TSGA10: variants seen among roughly 807,000 people sequenced by gnomAD.
The protein encoded by TSGA10 is testis-specific gene 10 protein.
A neutral mutation model predicts 96.6 loss-of-function variants in TSGA10; 43 were observed. That is an observed-to-expected ratio of 0.44 (90% CI 0.35 to 0.57). The LOEUF (loss-of-function observed/expected upper bound fraction) is 0.57. Among genes scored for constraint, TSGA10 ranks in the 20% least tolerant of loss-of-function variants. The pLI, the probability that TSGA10 is intolerant of heterozygous loss-of-function variation, is 0.01. For synonymous variants in TSGA10, 229 were observed against 269.9 expected (o/e 0.85, Z 1.48); for missense variants, 703 against 834.4 (o/e 0.84, Z 1.94).
At chr2:98,999,418 G>A (rs2077704172) in intron 20 of TSGA10, among the ~76,000 whole-genome samples, 1 of 152,180 alleles carries the variant, frequency 6.6e-6, no homozygotes. Flanking sequence ...AGGAAACAGA[G>A]CAGTGGTTAG....
intron 4 of TSGA10, among the ~76,000 whole-genome samples, chr2:99,116,421 G>A (rs1350212822): frequency 6.6e-6 from 1 of 152,084 alleles, no homozygotes; most frequent in Non-Finnish European, 1.5e-5. Context: ...TGTGATGGTG[G>A]CACAGAAAAA....
chr2:99,057,821 G>A (rs992340515), intron 16 of TSGA10, among the ~76,000 whole-genome samples: 3 of 152,068 alleles, frequency 2.0e-5, no homozygotes, highest in African/African-American at 7.2e-5. Context: ...AAAGCAGGAG[G>A]ACTTTCACTT....
chr2:99,102,695 T>C (rs540963601), intron 10 of TSGA10: 7 of 1,612,998 alleles, frequency 4.3e-6, no homozygotes, highest in African/African-American at 1.3e-5. Flanking sequence ...GTCATATTGA[T>C]GTGATCACAG....
intron 17 of TSGA10, among the ~76,000 whole-genome samples, chr2:99,032,095 T>A (rs566104510): frequency 6.6e-6 from 1 of 152,304 alleles, no homozygotes; most frequent in African/African-American, 2.4e-5. Context: ...GCTTCAATTG[T>A]ACAGTTGCAT....
At chr2:99,072,663 T>C (rs2086114889) in intron 13 of TSGA10, among the ~76,000 whole-genome samples, 1 of 152,184 alleles carries the variant, frequency 6.6e-6, no homozygotes, top group South Asian at 2.1e-4. Context: ...ATATAACCAA[T>C]ACTCATTTGT....
chr2:99,096,888 T>C (rs1289744570), intron 10 of TSGA10, among the ~76,000 whole-genome samples: 1 of 152,204 alleles, frequency 6.6e-6, no homozygotes, highest in Non-Finnish European at 1.5e-5. Flanking sequence ...CTTCATGCAA[T>C]TACTCACAGT....
chr2:99,080,339 T>C (rs1164813249), intron 11 of TSGA10, among the ~76,000 whole-genome samples: 1 of 152,186 alleles, frequency 6.6e-6, no homozygotes, highest in Non-Finnish European at 1.5e-5. Flanking sequence ...AACACTTCGC[T>C]TTCTGGTCTT....
At chr2:99,038,312 A>G (rs913178663) in intron 16 of TSGA10, among the ~76,000 whole-genome samples, 15 of 152,208 alleles carry the variant, frequency 9.9e-5, no homozygotes, top group Admixed American at 9.8e-4. Context: ...TCTCAATACT[A>G]ACATTGAATG....
chr2:99,007,198 G>A (rs925580019), intron 20 of TSGA10, among the ~76,000 whole-genome samples: 3 of 152,060 alleles, frequency 2.0e-5, no homozygotes, highest in African/African-American at 4.8e-5. Flanking sequence ...TGTAAATGAC[G>A]AGTTAATGGG....
chr2:99,026,670 G>C (rs1024688703), intron 17 of TSGA10, among the ~76,000 whole-genome samples: 1 of 151,890 alleles, frequency 6.6e-6, no homozygotes, highest in Non-Finnish European at 1.5e-5. Flanking sequence ...TGATCTGCCC[G>C]CCTCAGCCTC....
intron 12 of TSGA10, 89 bp from the exon 13 acceptor site, chr2:99,073,162 C>A: frequency 1.2e-6 from 1 of 853,514 alleles, no homozygotes; most frequent in Non-Finnish European, 1.8e-6. Flanking sequence ...TTTCCCTTTC[C>A]CTTTAGGTTT....
chr2:99,028,450 A>T (rs2080843016), intron 17 of TSGA10, among the ~76,000 whole-genome samples: 1 of 152,192 alleles, frequency 6.6e-6, no homozygotes, highest in Non-Finnish European at 1.5e-5. Context: ...CCTCTCAACT[A>T]GTTACTGTTG....
chr2:99,070,834 A>G (rs78532452), intron 14 of TSGA10, among the ~76,000 whole-genome samples: 1,659 of 152,228 alleles, frequency 0.011, 15 homozygotes, highest in Non-Finnish European at 0.017. Context: ...TATTGTTAAC[A>G]TTTTACATTA....
At chr2:99,023,320 A>ATCT (rs1465384033) in intron 17 of TSGA10, among the ~76,000 whole-genome samples, 2 of 152,192 alleles carry the variant, frequency 1.3e-5, no homozygotes, top group Non-Finnish European at 2.9e-5. Flanking sequence ...ATCTCTTATC[A>ATCT]GATATATGGT....
At chr2:99,047,498 G>C (rs2082916256) in intron 16 of TSGA10, among the ~76,000 whole-genome samples, 1 of 152,140 alleles carries the variant, frequency 6.6e-6, no homozygotes, top group Admixed American at 6.5e-5. Context: ...AATAGATGCA[G>C]AAAAGGCCTT....
At chr2:99,137,800 T>C (rs909061804) in intron 1 of TSGA10, among the ~76,000 whole-genome samples, 1 of 151,672 alleles carries the variant, frequency 6.6e-6, no homozygotes, top group Non-Finnish European at 1.5e-5. Context: ...CAACAACATT[T>C]GCTAATAAAT....
At position 99,150,332 on chromosome 2, in the gene TSGA10, C is replaced by G. The variant is rs943306238; in HGVS notation, c.-621+4361G>C. ...AATAAATCTTTAGAACCTGCAAACC[C>G]TCCCACAAAGAAAATGTAAACACTG... On this transcript the variant is annotated intron_variant, in intron 1 of 20. Coordinates refer to ENST00000393483, the MANE Select transcript of TSGA10 (RefSeq NM_025244.4). 5.9e-6 allele frequency: 3 copies of G among 509,016 alleles called. No homozygotes were observed. The Admixed American group carries it at 1.1e-4, about 19-fold the overall frequency. The allele number at this position is 509,016 out of a possible 1,614,324, so 31.5% of individuals were successfully genotyped here.
Position 99,094,822 on chromosome 2 carries a change from AC to A in TSGA10, c.611+9144del, listed in dbSNP as rs369904062. Reference sequence around the variant, plus strand: ...GCTGGTGGGAATGTAAACTAGTACAACCACTATGGAAAACAGTGTGGAGATT... The same window carrying A: ...GCTGGTGGGAATGTAAACTAGTACAACACTATGGAAAACAGTGTGGAGATT... On this transcript the variant is annotated intron_variant, in intron 10 of 20. Transcript: ENST00000393483. Among the ~76,000 whole-genome samples, 18 of 152,310 alleles carry A rather than the reference AC, an allele frequency of 1.2e-4. 1 individual carries two copies. The East Asian group carries it at 3.3e-3, about 28-fold the overall frequency.
chr2:98,999,345 A>G (rs1024894158), intron 20 of TSGA10, among the ~76,000 whole-genome samples: 1 of 152,230 alleles, frequency 6.6e-6, no homozygotes, highest in Non-Finnish European at 1.5e-5. Flanking sequence ...GTCAACCACT[A>G]GAGGCTGCAT....
Sources: gnomAD v4.1 joint callset for allele counts (sites outside exome capture counted in the v4.1 genomes callset) on GRCh38, gnomAD v4.1.1 for gene constraint, MANE v1.5 for transcripts, NCBI Gene and HGNC (gene_info 2026-07-23, HGNC 2026-07-21) for gene names.